CTSK: variants seen among roughly 807,000 people sequenced by gnomAD.
The protein encoded by CTSK is cathepsin O.
CTSK carries 26 observed loss-of-function variants against 40.5 expected under a neutral mutation model. The observed-to-expected ratio is 0.64, with a 90% CI of 0.47 to 0.89. The LOEUF is 0.89. Among genes scored for constraint, CTSK ranks in the 40% least tolerant of loss-of-function variants. The probability of loss-of-function intolerance (pLI) is 0.00; values close to 1 mark genes in which losing one functional copy is unlikely to be tolerated. For missense variants in CTSK, 292 were observed against 400.1 expected, an observed-to-expected ratio of 0.73 and a Z score of 2.30; for synonymous variants, 132 against 143.2, an observed-to-expected ratio of 0.92 and a Z score of 0.56.
At position 150,796,340 on chromosome 1, in the gene CTSK, T is replaced by A. The variant is rs888907609; in HGVS notation, c.*459A>T. On this transcript the variant is annotated 3_prime_UTR_variant, in exon 8 of 8. Coordinates refer to ENST00000271651, the MANE Select transcript of CTSK (RefSeq NM_000396.4). ...CTTGTACCAAAGACTTATGAATAGA[T>A]TTATGAATTGGAGTAGAAAACATAG... is the stretch of plus-strand genomic sequence containing the variant. 1.5e-5 allele frequency: 3 copies of A among 195,912 alleles called. No individual in the cohort carries two copies. Among genetic ancestry groups the A allele is most frequent in the African/African-American group, 7.0e-5 (3 of 42,778 alleles). 12.1% of individuals were successfully genotyped at this position (195,912 alleles called of 1,614,324 possible). A position where few individuals can be genotyped will look rare whatever the true frequency, so the allele number is the denominator to read the frequency against.
rs587682221 is a variant in CTSK at position 150,808,197 on chromosome 1, G to C, written c.-2+17C>G. The C allele has an allele frequency of 6.6e-6, 1 of 152,428 alleles. No individual in the cohort carries two copies. Among genetic ancestry groups the C allele is most frequent in the African/African-American group, 2.4e-5 (1 of 41,564 alleles). 9.4% of individuals were successfully genotyped at this position (152,428 alleles called of 1,614,324 possible). A position where few individuals can be genotyped will look rare whatever the true frequency, so the allele number is the denominator to read the frequency against. ...AGGAATGAAAAGCTAAAAGATCTAGGAAGTTGCAAACGTTACCTGCTGATG... is the reference window on the plus strand; with the variant it reads ...AGGAATGAAAAGCTAAAAGATCTAGCAAGTTGCAAACGTTACCTGCTGATG... On this transcript the variant is annotated intron_variant, in intron 1 of 7. Transcript: ENST00000271651.
intron 1 of CTSK, 62 bp from the exon 2 acceptor site, chr1:150,806,868 G>T: frequency 4.4e-6 from 7 of 1,593,466 alleles, no homozygotes; most frequent in Non-Finnish European, 6.0e-6. Context: ...GGAAAACTAG[G>T]CTTTATGAGG....
intron 1 of CTSK, chr1:150,807,543 C>T (rs777590142): frequency 3.4e-5 from 12 of 348,094 alleles, no homozygotes; most frequent in Admixed American, 2.0e-4. Flanking sequence ...CTGTGGCTGC[C>T]GCAAAGGACA....
intron 1 of CTSK, among the ~76,000 whole-genome samples, chr1:150,807,078 T>TCACACACA (rs779217637): frequency 0.019 from 2,291 of 120,456 alleles, 31 homozygotes; most frequent in Non-Finnish European, 0.027. Context: ...TCTCTCTCTC[T>TCACACACA]CTCACACACA....
At chr1:150,801,277 C>T (rs587725364) in intron 5 of CTSK, among the ~76,000 whole-genome samples, 1 of 152,104 alleles carries the variant, frequency 6.6e-6, no homozygotes, top group East Asian at 1.9e-4. Context: ...CGCAATCACA[C>T]CTGGCTAATT....
At chr1:150,798,350 CAG>C (rs1455486272) in intron 7 of CTSK, among the ~76,000 whole-genome samples, 2 of 152,156 alleles carry the variant, frequency 1.3e-5, no homozygotes, top group African/African-American at 4.8e-5. Flanking sequence ...CTGTTAAAGA[CAG>C]ATTGCTAATG....
In CTSK at chr1:150,799,368, G is replaced by A. The variant is rs587604006; in HGVS notation, c.785-95C>T. ...GGAGACTGTTTGAAGAATTCCATCC[G>A]TGTCAGGAGGGTTTACCACAGAGAT... On this transcript the variant is annotated intron_variant, in intron 6 of 7. Transcript: ENST00000271651. The A allele has an allele frequency of 8.3e-5, 103 of 1,236,884 alleles. 1 individual carries two copies. Among genetic ancestry groups the A allele is most frequent in the South Asian group, 3.8e-4 (32 of 83,126 alleles). 76.6% of individuals were successfully genotyped at this position (1,236,884 alleles called of 1,614,324 possible). A position where few individuals can be genotyped will look rare whatever the true frequency, so the allele number is the denominator to read the frequency against.
chr1:150,802,622 G>A (rs1007794623), intron 5 of CTSK, among the ~76,000 whole-genome samples: 10 of 152,026 alleles, frequency 6.6e-5, no homozygotes, highest in African/African-American at 2.4e-4. Context: ...TTGCTATGTT[G>A]TACCAGGCTG....
chr1:150,799,121 G>GTT (rs1453653703), intron 7 of CTSK, 47 bp downstream of exon 7: 1 of 1,223,430 alleles, frequency 8.2e-7, no homozygotes, highest in Non-Finnish European at 1.2e-6. Context: ...GTGAGGTTGA[G>GTT]TGTTAAAAGG....
chr1:150,799,134 G>T, intron 7 of CTSK, 34 bp downstream of exon 7: 3 of 1,367,646 alleles, frequency 2.2e-6, no homozygotes, highest in Non-Finnish European at 3.1e-6. Flanking sequence ...TTAAAAGGGT[G>T]ACTGAATAAC....
chr1:150,807,076 TCTCTCA>T (rs770780615), intron 1 of CTSK, among the ~76,000 whole-genome samples: 569 of 36,444 alleles, frequency 0.016, 3 homozygotes, highest in African/African-American at 0.026. Context: ...TGTCTCTCTC[TCTCTCA>T]CACACACACA....
chr1:150,798,175 C>G (rs1311619329), intron 7 of CTSK, among the ~76,000 whole-genome samples: 4 of 152,088 alleles, frequency 2.6e-5, no homozygotes, highest in Non-Finnish European at 4.4e-5. Context: ...TTTCTTTGTT[C>G]CCCAACATAG....
At position 150,796,774 on chromosome 1, in the gene CTSK, G is replaced by A; in HGVS notation, c.*25C>T. Reference sequence around the variant, plus strand: ...GCACCATCGTGGAAGAAATGGAAGAGCAGGATGGATTTGGCTGGCTGGAGT... The same window carrying A: ...GCACCATCGTGGAAGAAATGGAAGAACAGGATGGATTTGGCTGGCTGGAGT... On this transcript the variant is annotated 3_prime_UTR_variant, in exon 8 of 8. Transcript: ENST00000271651. The A allele has an allele frequency of 6.7e-7, 1 of 1,492,234 alleles. No homozygotes were observed. Among genetic ancestry groups the A allele is most frequent in the Non-Finnish European group, 9.4e-7 (1 of 1,068,608 alleles). 92.4% of individuals were successfully genotyped at this position (1,492,234 alleles called of 1,614,324 possible). A position where few individuals can be genotyped will look rare whatever the true frequency, so the allele number is the denominator to read the frequency against.
chr1:150,798,196 A>G (rs899410076), intron 7 of CTSK, among the ~76,000 whole-genome samples: 1 of 152,202 alleles, frequency 6.6e-6, no homozygotes, highest in East Asian at 1.9e-4. Flanking sequence ...GAAAGTAAAC[A>G]CTAACTTTTT....
chr1:150,806,957 A>C (rs931348037), intron 1 of CTSK, 151 bp from the exon 2 acceptor site: 2 of 921,716 alleles, frequency 2.2e-6, no homozygotes, highest in African/African-American at 3.3e-5. Flanking sequence ...ATGCTGGTAC[A>C]TCTGGTTCCA....
At chr1:150,801,394 T>C (rs1346338455) in intron 5 of CTSK, among the ~76,000 whole-genome samples, 1 of 152,040 alleles carries the variant, frequency 6.6e-6, no homozygotes, top group African/African-American at 2.4e-5. Flanking sequence ...ACTGGGATTA[T>C]AGGTGTGAGC....
Position 150,797,942 on chromosome 1 carries a change from A to C in CTSK, c.891-1044T>G, listed in dbSNP as rs587664072. ...CCTTGAGTTGGAACTGTGATATAAA[A>C]AGTTGCTTCAGGTTTGAACAACACC... is the stretch of plus-strand genomic sequence containing the variant. On this transcript the variant is annotated intron_variant, in intron 7 of 7. Transcript: ENST00000271651. Among the ~76,000 whole-genome samples, 4 of 152,280 alleles carry C rather than the reference A, an allele frequency of 2.6e-5. No individual in the cohort carries two copies. The South Asian group carries it at 6.2e-4, about 24-fold the overall frequency.
At position 150,807,096 on chromosome 1, in the gene CTSK, A is replaced by T. The variant is rs1166346499; in HGVS notation, c.-1-290T>A. Among the ~76,000 whole-genome samples the T allele has an allele frequency of 7.2e-4, 108 of 149,728 alleles. 1 individual carries two copies. The highest frequency in any genetic ancestry group is 2.3e-3 in the African/African-American group (94 of 40,368). On this transcript the variant is annotated intron_variant, in intron 1 of 7. Transcript: ENST00000271651. ...CTCTCTCTCTCACACACACACACAC[A>T]CACACACACACACACACACACACAC... is the stretch of plus-strand genomic sequence containing the variant.
chr1:150,806,875 G>A, intron 1 of CTSK, 69 bp from the exon 2 acceptor site: 1 of 1,581,976 alleles, frequency 6.3e-7, no homozygotes, highest in Non-Finnish European at 8.6e-7. Flanking sequence ...TAGGCTTTAT[G>A]AGGAAGAGAA....
Sources: allele counts gnomAD v4.1 joint callset (sites outside exome capture counted in the v4.1 genomes callset), GRCh38; gene constraint gnomAD v4.1.1; transcripts MANE v1.5; gene names NCBI Gene and HGNC (gene_info 2026-07-23, HGNC 2026-07-21).